The following PLA2G4D variants were observed in gnomAD, a reference collection of about 807,000 sequenced individuals.
PLA2G4D encodes cytosolic phospholipase A2 delta.
PLA2G4D carries 80 observed loss-of-function variants against 94.4 expected under a neutral mutation model. That is an observed-to-expected ratio of 0.85 (90% CI 0.71 to 1.02). The LOEUF is 1.02. Ranked by LOEUF, PLA2G4D falls within the 50% of genes least tolerant of loss-of-function variation. The pLI is 0.00. For synonymous variants in PLA2G4D, 438 were observed against 440.9 expected (o/e 0.99, Z 0.08); for missense variants, 1,050 against 1,034.7 (o/e 1.01, Z -0.20).
chr15:42,070,615 C>T (rs1198135882), intron 18 of PLA2G4D, 102 bp downstream of exon 18: 40 of 1,347,808 alleles, frequency 3.0e-5, no homozygotes, highest in Middle Eastern at 1.9e-4. Flanking sequence ...TCCTTCCCTT[C>T]GGGACCCCGG....
chr15:42,070,581 C>T (rs1566859597), intron 18 of PLA2G4D, 136 bp downstream of exon 18: 1 of 1,130,652 alleles, frequency 8.8e-7, no homozygotes, highest in Non-Finnish European at 1.2e-6. Flanking sequence ...TGGCAGGAGC[C>T]AGCAGATCAA....
chr15:42,071,996 C>A, intron 14 of PLA2G4D, 85 bp from the exon 15 acceptor site: 1 of 1,504,280 alleles, frequency 6.6e-7, no homozygotes, highest in East Asian at 2.4e-5. Flanking sequence ...CTGCCCCTGC[C>A]CCCAGCAGGC....
chr15:42,085,639 G>T (rs1890127685), intron 4 of PLA2G4D, 108 bp from the exon 5 acceptor site: 3 of 1,093,562 alleles, frequency 2.7e-6, no homozygotes, highest in African/African-American at 3.0e-5. Context: ...CTCCAAGGGA[G>T]GCACGTTAGT....
intron 16 of PLA2G4D, 48 bp from the exon 17 acceptor site, chr15:42,071,365 C>T: frequency 6.4e-7 from 1 of 1,567,952 alleles, no homozygotes; most frequent in Non-Finnish European, 8.6e-7. Flanking sequence ...CTTACTTCTT[C>T]CCCTCAGACA....
At chr15:42,085,025 C>T in intron 6 of PLA2G4D, 71 bp downstream of exon 6, 1 of 1,550,512 alleles carries the variant, frequency 6.4e-7, no homozygotes. Context: ...GGTCCACACC[C>T]CAGGCAGCTG....
chr15:42,070,517 T>A, intron 18 of PLA2G4D, 200 bp downstream of exon 18: 1 of 631,930 alleles, frequency 1.6e-6, no homozygotes, highest in South Asian at 2.2e-5. Flanking sequence ...CCTGTTCACC[T>A]GTCCTGGGAG....
intron 6 of PLA2G4D, 46 bp downstream of exon 6, chr15:42,085,050 G>A (rs770183302): frequency 6.2e-7 from 1 of 1,603,132 alleles, no homozygotes; most frequent in Admixed American, 1.7e-5. Context: ...CCCTCCCCAA[G>A]CGTCTGCTCT....
chr15:42,078,534 G>A (rs1446526145), intron 13 of PLA2G4D, among the ~76,000 whole-genome samples: 2 of 152,204 alleles, frequency 1.3e-5, no homozygotes, highest in Non-Finnish European at 2.9e-5. Flanking sequence ...AATAAGGATG[G>A]TAGTTTCTAA....
chr15:42,082,248 T>A, intron 9 of PLA2G4D, 31 bp downstream of exon 9: 1 of 1,555,576 alleles, frequency 6.4e-7, no homozygotes, highest in Non-Finnish European at 8.9e-7. Flanking sequence ...TCATTCTTAC[T>A]GGCATTTCCC....
chr15:42,071,070 A>G (rs2141092328), intron 17 of PLA2G4D, 53 bp downstream of exon 17: 1 of 1,586,450 alleles, frequency 6.3e-7, no homozygotes, highest in East Asian at 2.2e-5. Flanking sequence ...TCCCTGCCAC[A>G]CCACCCAGAG....
In PLA2G4D at chr15:42,094,554, C is replaced by G; in HGVS notation, c.-95G>C. ...GACGGTCCCAGTGGGATAGGACCAG[C>G]ATGAATCTGCCAGCCTTCAATGAGC... On this transcript the variant is annotated 5_prime_UTR_variant, in exon 1 of 20. The change abolishes an upstream ATG in the 5' untranslated region. Transcript: ENST00000290472. 1 of 1,467,204 alleles carries G rather than the reference C, an allele frequency of 6.8e-7. No homozygotes were observed. Among genetic ancestry groups the G allele is most frequent in the East Asian group, 2.3e-5 (1 of 43,140 alleles). The allele number at this position is 1,467,204 out of a possible 1,614,324, so 90.9% of individuals were successfully genotyped here. A position where few individuals can be genotyped will look rare whatever the true frequency, so the allele number is the denominator to read the frequency against.
In PLA2G4D at chr15:42,083,728, C is replaced by A; in HGVS notation, c.523G>T (p.Ala175Ser). 6.2e-7 allele frequency: 1 copy of A among 1,614,004 alleles called. No individual in the cohort carries two copies. The highest frequency in any genetic ancestry group is 8.5e-7 in the Non-Finnish European group (1 of 1,179,978). The part of the protein sequence containing the change: ...DVHLDSTGST[A>S]VVADQDKLEL... ...AAGCTGGTCTCACCTGCAACCACAG[C>A]GGTGCTCCCTGTGCTGTCCAGATGC... Residue 175 changes from alanine (A) to serine (S), a missense_variant, in exon 7 of 20, where the codon GCT (alanine) becomes TCT (serine). Transcript: ENST00000290472.
intron 11 of PLA2G4D, 56 bp from the exon 12 acceptor site, chr15:42,081,189 T>C (rs1890029899): frequency 1.3e-6 from 2 of 1,588,808 alleles, no homozygotes; most frequent in Non-Finnish European, 1.7e-6. Context: ...CTGCCTCCTG[T>C]CTCACCCAGG....
chr15:42,073,545 C>T (rs563254951), intron 13 of PLA2G4D, among the ~76,000 whole-genome samples: 1 of 152,210 alleles, frequency 6.6e-6, no homozygotes, highest in South Asian at 2.1e-4. Context: ...AGTATGTGTA[C>T]CATGAATACG....
At chr15:42,082,417 C>A (rs1177373725) in intron 8 of PLA2G4D, 28 bp from the exon 9 acceptor site, 2 of 1,544,608 alleles carry the variant, frequency 1.3e-6, no homozygotes, top group Non-Finnish European at 1.8e-6. Flanking sequence ...TTCATTCATT[C>A]ATTCATTCAT....
intron 13 of PLA2G4D, among the ~76,000 whole-genome samples, chr15:42,075,458 CA>C (rs1889902237): frequency 6.6e-6 from 1 of 152,182 alleles, no homozygotes; most frequent in Admixed American, 6.5e-5. Flanking sequence ...ACAGTAGATC[CA>C]AAGACTACAT....
intron 13 of PLA2G4D, among the ~76,000 whole-genome samples, chr15:42,075,737 A>C (rs538337200): frequency 1.3e-5 from 2 of 152,186 alleles, no homozygotes; most frequent in South Asian, 2.1e-4. Flanking sequence ...AAATACAAAA[A>C]TTCGCCGTGC....
Position 42,084,690 on chromosome 15 carries a change from G to A in PLA2G4D, c.471+406C>T, listed in dbSNP as rs931492945. Among the ~76,000 whole-genome samples the A allele has an allele frequency of 6.6e-6, 1 of 152,144 alleles. No homozygotes were observed. Among genetic ancestry groups the A allele is most frequent in the Non-Finnish European group, 1.5e-5 (1 of 68,020 alleles). On this transcript the variant is annotated intron_variant, in intron 6 of 19. Transcript: ENST00000290472. The surrounding 1 kb of genome is among the most constrained non-coding windows in gnomAD (Gnocchi z 4.8). Reference sequence around the variant, plus strand: ...GATCCTCCTAGGTTGGCAGTACACCGCCCTGGGAACTCCCTCTGAGCCTCG... The same window carrying A: ...GATCCTCCTAGGTTGGCAGTACACCACCCTGGGAACTCCCTCTGAGCCTCG...
chr15:42,079,459 C>T lies in PLA2G4D; in HGVS notation c.1317+78G>A, dbSNP rs549341305. 6 of 1,388,992 alleles carry T rather than the reference C, an allele frequency of 4.3e-6. No individual in the cohort carries two copies. In the African/African-American group the frequency reaches 5.8e-5, roughly 13 times the overall value. 86.0% of individuals were successfully genotyped at this position (1,388,992 alleles called of 1,614,324 possible). A position where few individuals can be genotyped will look rare whatever the true frequency, so the allele number is the denominator to read the frequency against. On this transcript the variant is annotated intron_variant, in intron 13 of 19. Transcript: ENST00000290472. ...CCACGCTGCAAGAAATACGCACGCG[C>T]ATGTCAGCCGCTTGGGAGCCCTGCC...
Sources: allele counts gnomAD v4.1 joint callset (sites outside exome capture counted in the v4.1 genomes callset), GRCh38; gene constraint gnomAD v4.1.1; non-coding constraint Gnocchi (gnomAD v3.1); transcripts MANE v1.5; gene names NCBI Gene and HGNC (gene_info 2026-07-23, HGNC 2026-07-21).